Variants in SUCLA2 observed in about 807,000 individuals in gnomAD.
SUCLA2 encodes succinate--CoA ligase [ADP-forming] subunit beta, mitochondrial.
SUCLA2 carries 30 observed loss-of-function variants against 54.8 expected under a neutral mutation model. That is an observed-to-expected ratio of 0.55 (90% confidence interval 0.41 to 0.74). The LOEUF is 0.74. Among genes scored for constraint, SUCLA2 ranks in the 30% least tolerant of loss-of-function variants. The pLI is 0.00. For missense variants in SUCLA2, 476 were observed against 562.9 expected (o/e 0.85, Z 1.56); for synonymous variants, 172 against 188.9 (o/e 0.91, Z 0.74).
rs551386345 is a variant in SUCLA2 at position 47,988,178 on chromosome 13, C to G, written c.534+363G>C. 409 of 253,302 alleles carry G rather than the reference C, an allele frequency of 1.6e-3. 2 individuals are homozygous for G. Among genetic ancestry groups the G allele is most frequent in the Non-Finnish European group, 2.7e-3 (373 of 135,948 alleles). 15.7% of individuals were successfully genotyped at this position (253,302 alleles called of 1,614,324 possible). A position where few individuals can be genotyped will look rare whatever the true frequency, so the allele number is the denominator to read the frequency against. ...GATGAGGCAATGGATACACATTCTT[C>G]TAGTGGGTTCAGCAACTTTCTCTTT... On this transcript the variant is annotated intron_variant, in intron 4 of 10. Transcript: ENST00000646932.
intron 5 of SUCLA2, among the ~76,000 whole-genome samples, chr13:47,970,560 C>T (rs901055778): frequency 2.6e-5 from 4 of 152,084 alleles, no homozygotes; most frequent in Non-Finnish European, 4.4e-5. Flanking sequence ...AACTTTGTGC[C>T]GGTCAAAATT....
intron 6 of SUCLA2, among the ~76,000 whole-genome samples, chr13:47,964,036 TG>T (rs1434756871): frequency 6.6e-6 from 1 of 152,198 alleles, no homozygotes; most frequent in Non-Finnish European, 1.5e-5. Context: ...AGCAGCTTGT[TG>T]GTAATAGAAA....
At chr13:47,952,510 C>G (rs749140092) in intron 8 of SUCLA2, among the ~76,000 whole-genome samples, 7 of 152,080 alleles carry the variant, frequency 4.6e-5, no homozygotes, top group African/African-American at 7.2e-5. Flanking sequence ...TTGCCTCTGA[C>G]AGCATGAAAG....
At chr13:47,947,926 A>C (rs1174790464) in intron 10 of SUCLA2, among the ~76,000 whole-genome samples, 1 of 152,218 alleles carries the variant, frequency 6.6e-6, no homozygotes, top group Non-Finnish European at 1.5e-5. Context: ...AAACTTACTG[A>C]CATATTAACC....
At chr13:47,980,719 C>T (rs1481356587) in intron 4 of SUCLA2, among the ~76,000 whole-genome samples, 1 of 151,868 alleles carries the variant, frequency 6.6e-6, no homozygotes, top group East Asian at 1.9e-4. Context: ...ATCAAAACAG[C>T]ATGATAATGC....
At chr13:47,954,349 C>A in intron 7 of SUCLA2, 47 bp downstream of exon 7, 1 of 1,613,658 alleles carries the variant, frequency 6.2e-7, no homozygotes, top group Non-Finnish European at 8.5e-7. Flanking sequence ...TTAGTAAATC[C>A]AAATTAAACT....
At chr13:47,973,453 T>G (rs1439050849) in intron 4 of SUCLA2, 61 bp from the exon 5 acceptor site, 1 of 1,576,000 alleles carries the variant, frequency 6.3e-7, no homozygotes, top group Non-Finnish European at 8.7e-7. Flanking sequence ...AATGAAACTT[T>G]AAAACCTACC....
intron 8 of SUCLA2, among the ~76,000 whole-genome samples, chr13:47,952,901 T>C (rs1430765828): frequency 6.6e-6 from 1 of 152,148 alleles, no homozygotes; most frequent in Admixed American, 6.6e-5. Context: ...TATGTCTTTG[T>C]ACATTTTCTT....
intron 4 of SUCLA2, among the ~76,000 whole-genome samples, chr13:47,984,094 G>C (rs1950080372): frequency 6.6e-6 from 1 of 152,030 alleles, no homozygotes; most frequent in African/African-American, 2.4e-5. Flanking sequence ...ATGTTCAAAC[G>C]ACTTGGCTTC....
At chr13:47,964,693 T>C (rs1199002440) in intron 6 of SUCLA2, among the ~76,000 whole-genome samples, 1 of 151,922 alleles carries the variant, frequency 6.6e-6, no homozygotes, top group African/African-American at 2.4e-5. Context: ...CCGTCTCTAC[T>C]AAAAATACAA....
At chr13:47,956,635 C>T (rs770858941) in intron 6 of SUCLA2, among the ~76,000 whole-genome samples, 8 of 152,252 alleles carry the variant, frequency 5.3e-5, no homozygotes, top group South Asian at 2.1e-4. Flanking sequence ...AGGGATGTAA[C>T]GTGGAAATCT....
At chr13:47,998,412 C>T (rs1436513035) in intron 1 of SUCLA2, among the ~76,000 whole-genome samples, 1 of 151,840 alleles carries the variant, frequency 6.6e-6, no homozygotes, top group East Asian at 1.9e-4. Context: ...AGAAATTAGT[C>T]CTTACATCTG....
At chr13:47,982,659 T>C (rs1406550358) in intron 4 of SUCLA2, among the ~76,000 whole-genome samples, 2 of 151,940 alleles carry the variant, frequency 1.3e-5, no homozygotes, top group Non-Finnish European at 2.9e-5. Flanking sequence ...TGCACTATTA[T>C]ACTGCATACT....
rs62636645 is a variant in SUCLA2, at chr13:47,997,004, A to C, written c.110T>G (p.Leu37Trp). ...TACTTGGAGTCCATGGTTATTAAAC[A>C]ATCCAGAACTTCCCAGAACCTAGAA... ...AAAQVLGSSGLFNNHGLQVQQ... is the reference protein window; with the variant it reads ...AAAQVLGSSGWFNNHGLQVQQ... Residue 37 changes from leucine to tryptophan, a missense_variant, in exon 2 of 11, where the codon TTG (leucine) becomes TGG (tryptophan). Leu to Trp is a moderately conservative substitution (Grantham distance 61). This residue lies in a region of SUCLA2 where 134 missense variants were observed against 118.7 expected (regional missense o/e 1.13). Transcript: ENST00000646932. 4.1e-3 allele frequency: 6,685 copies of C among 1,614,086 alleles called. 218 individuals carry two copies. The African/African-American group carries it at 0.076, about 18-fold the overall frequency.
At chr13:47,948,425 GC>G (rs1949751807) in intron 10 of SUCLA2, among the ~76,000 whole-genome samples, 1 of 152,008 alleles carries the variant, frequency 6.6e-6, no homozygotes, top group Non-Finnish European at 1.5e-5. Context: ...TCCCTATGTT[GC>G]CCAGGCTAGT....
At chr13:47,989,242 G>A (rs986041308) in intron 2 of SUCLA2, among the ~76,000 whole-genome samples, 7 of 142,112 alleles carry the variant, frequency 4.9e-5, no homozygotes, top group African/African-American at 1.3e-4. Flanking sequence ...ACAGAGTCTC[G>A]CTCTGTCGCC....
At chr13:47,999,109 A>G (rs562167708) in intron 1 of SUCLA2, among the ~76,000 whole-genome samples, 2 of 152,348 alleles carry the variant, frequency 1.3e-5, no homozygotes, top group East Asian at 1.9e-4. Flanking sequence ...TCACTAGCAC[A>G]TAAGTCACTA....
At chr13:47,998,236 C>T (rs559351586) in intron 1 of SUCLA2, among the ~76,000 whole-genome samples, 5 of 150,982 alleles carry the variant, frequency 3.3e-5, no homozygotes, top group African/African-American at 1.2e-4. Flanking sequence ...GTGATTTCAC[C>T]ACTGTCCTCC....
chr13:47,989,273 C>T (rs912643764), intron 2 of SUCLA2, among the ~76,000 whole-genome samples: 6 of 150,324 alleles, frequency 4.0e-5, no homozygotes, highest in African/African-American at 1.5e-4. Flanking sequence ...TGCAGTGGCG[C>T]GATCTCGGCT....
Sources: gnomAD v4.1 joint callset for allele counts (sites outside exome capture counted in the v4.1 genomes callset) on GRCh38, gnomAD v4.1.1 for gene constraint, gnomAD v4.1.1 regional missense constraint, MANE v1.5 for transcripts, NCBI Gene and HGNC (gene_info 2026-07-23, HGNC 2026-07-21) for gene names.